Variants in ASIC2 observed in about 807,000 individuals in gnomAD.
ASIC2 encodes the protein acid-sensing ion channel 2.
Under a neutral mutation model 57.3 loss-of-function variants are expected in ASIC2, and 25 were observed. The observed-to-expected ratio is 0.44, with a 90% CI of 0.32 to 0.61. ASIC2 has a LOEUF of 0.61. Among genes scored for constraint, ASIC2 ranks in the 20% least tolerant of loss-of-function variants. The pLI is 0.06. For missense variants in ASIC2, 641 were observed against 738.1 expected (o/e 0.87, Z 1.52); for synonymous variants, 319 against 307.5 (o/e 1.04, Z -0.39).
rs139529162 is a variant in ASIC2 at position 33,670,687 on chromosome 17, C to A, written c.555+485291G>T. On this transcript the variant is annotated intron_variant, in intron 1 of 9. Transcript: ENST00000359872. ...CATCTTTCTGAAATGGAAACGTGAGCACACTTCTCTGCTTTTCAAAATACT... is the reference window on the plus strand; with the variant it reads ...CATCTTTCTGAAATGGAAACGTGAGAACACTTCTCTGCTTTTCAAAATACT... Among the ~76,000 whole-genome samples, 836 of 152,290 alleles carry A rather than the reference C, an allele frequency of 5.5e-3. 9 individuals carry two copies. The highest frequency in any genetic ancestry group is 0.019 in the African/African-American group (802 of 41,548).
chr17:33,177,954 T>C (rs1905826485), intron 1 of ASIC2, among the ~76,000 whole-genome samples: 1 of 152,094 alleles, frequency 6.6e-6, no homozygotes, highest in Admixed American at 6.5e-5. Flanking sequence ...CTGAGGGCCT[T>C]TTCTCCAGGA....
chr17:33,132,287 G>C (rs916481128), intron 1 of ASIC2, among the ~76,000 whole-genome samples: 1 of 152,206 alleles, frequency 6.6e-6, no homozygotes, highest in Non-Finnish European at 1.5e-5. Flanking sequence ...AAACTGGGTA[G>C]TTAGTGAATT....
At chr17:34,018,662 A>G (rs1372747610) in intron 1 of ASIC2, among the ~76,000 whole-genome samples, 1 of 152,234 alleles carries the variant, frequency 6.6e-6, no homozygotes, top group Non-Finnish European at 1.5e-5. Flanking sequence ...AGTTGATTCC[A>G]ACCCTCATGG....
chr17:33,517,285 T>C (rs1372339437), intron 1 of ASIC2, among the ~76,000 whole-genome samples: 2 of 152,094 alleles, frequency 1.3e-5, no homozygotes, highest in African/African-American at 4.8e-5. Context: ...CTGGCTAGTT[T>C]TTGTATGTTT....
chr17:34,155,265 G>A (rs140698567), intron 1 of ASIC2, among the ~76,000 whole-genome samples: 390 of 152,112 alleles, frequency 2.6e-3, no homozygotes, highest in Admixed American at 4.3e-3. Context: ...TCTTGCACAC[G>A]TGCCTCCGCC....
intron 1 of ASIC2, among the ~76,000 whole-genome samples, chr17:33,771,218 A>C (rs547239284): frequency 2.3e-4 from 35 of 152,298 alleles, no homozygotes; most frequent in African/African-American, 8.4e-4. Context: ...TGAGAATAAG[A>C]AAATTATCAC....
chr17:33,285,959 C>T (rs1263923351), intron 1 of ASIC2, among the ~76,000 whole-genome samples: 1 of 152,216 alleles, frequency 6.6e-6, no homozygotes, highest in Non-Finnish European at 1.5e-5. Flanking sequence ...GCTCACATTT[C>T]CTGAGTGCTT....
intron 1 of ASIC2, among the ~76,000 whole-genome samples, chr17:33,150,847 C>A (rs2142029037): frequency 1.0e-4 from 1 of 10,034 alleles, no homozygotes; most frequent in Non-Finnish European, 1.6e-4. Flanking sequence ...GAGACTCCGT[C>A]TCAAAAAAAA....
chr17:33,440,198 T>G (rs1057055768), intron 1 of ASIC2, among the ~76,000 whole-genome samples: 2 of 152,192 alleles, frequency 1.3e-5, no homozygotes, highest in Non-Finnish European at 2.9e-5. Context: ...GCTAGCTGTC[T>G]CTGTAAATTT....
intron 1 of ASIC2, among the ~76,000 whole-genome samples, chr17:33,512,672 C>G (rs1257595081): frequency 1.3e-5 from 2 of 152,214 alleles, no homozygotes; most frequent in African/African-American, 2.4e-5. Context: ...AAGCTTGAAG[C>G]TGCTCCAGGC....
intron 1 of ASIC2, among the ~76,000 whole-genome samples, chr17:33,525,085 C>T (rs1376872638): frequency 6.6e-6 from 1 of 152,204 alleles, no homozygotes; most frequent in Non-Finnish European, 1.5e-5. Flanking sequence ...TCATTCCTGT[C>T]TCTGTGCTCT....
In ASIC2 at chr17:33,672,181, G is replaced by C. The variant is rs1161134689; in HGVS notation, c.555+483797C>G. On this transcript the variant is annotated intron_variant, in intron 1 of 9. Coordinates refer to the ASIC2 transcript ENST00000359872. ...CAGTTTCACACACTCCATTAATGCT[G>C]GCTGCCACTGGGACAATTACAGACA... Among the ~76,000 whole-genome samples, 3 of 152,074 alleles carry C rather than the reference G, an allele frequency of 2.0e-5. No homozygotes were observed. In the East Asian group the frequency reaches 5.8e-4, roughly 29 times the overall value.
intron 1 of ASIC2, among the ~76,000 whole-genome samples, chr17:33,952,405 C>G (rs893402939): frequency 6.6e-6 from 1 of 152,166 alleles, no homozygotes; most frequent in African/African-American, 2.4e-5. Flanking sequence ...CTTCGCTGAG[C>G]TTGTTTCCTC....
intron 1 of ASIC2, among the ~76,000 whole-genome samples, chr17:34,034,052 C>T (rs1313080662): frequency 6.6e-6 from 1 of 152,060 alleles, no homozygotes; most frequent in African/African-American, 2.4e-5. Context: ...GGCAGAGACA[C>T]AACCAAAAAA....
intron 1 of ASIC2, among the ~76,000 whole-genome samples, chr17:33,554,601 G>A (rs1284456848): frequency 6.6e-6 from 1 of 152,124 alleles, no homozygotes; most frequent in Non-Finnish European, 1.5e-5. Context: ...AGTGTCTGTG[G>A]CTAGGATCAT....
intron 1 of ASIC2, among the ~76,000 whole-genome samples, chr17:33,688,491 G>A (rs571367598): frequency 8.2e-4 from 125 of 152,328 alleles, no homozygotes; most frequent in Non-Finnish European, 1.5e-3. Context: ...GGAGGGAACA[G>A]GCTGCCATCA....
chr17:33,551,988 C>G (rs1269499564), intron 1 of ASIC2, among the ~76,000 whole-genome samples: 1 of 152,120 alleles, frequency 6.6e-6, no homozygotes, highest in Non-Finnish European at 1.5e-5. Context: ...GATTGAGAAA[C>G]TGAATAATTG....
chr17:33,772,095 A>G (rs1398129071), intron 1 of ASIC2, among the ~76,000 whole-genome samples: 2 of 152,222 alleles, frequency 1.3e-5, no homozygotes. Context: ...TTTCCCAAGG[A>G]GAGTCACAGG....
At chr17:33,742,916 G>A (rs1420243951) in intron 1 of ASIC2, among the ~76,000 whole-genome samples, 4 of 152,222 alleles carry the variant, frequency 2.6e-5, no homozygotes. Context: ...TACTGATGCT[G>A]ATTCCCCAGC....
Sources: gnomAD v4.1 joint callset for allele counts (sites outside exome capture counted in the v4.1 genomes callset) on GRCh38, gnomAD v4.1.1 for gene constraint, MANE v1.5 for transcripts, NCBI Gene and HGNC (gene_info 2026-07-23, HGNC 2026-07-21) for gene names.